The following PDZRN4 variants were observed in gnomAD, a reference collection of about 807,000 sequenced individuals.
PDZRN4 encodes PDZ domain-containing RING finger protein 4.
A neutral mutation model predicts 99.0 loss-of-function variants in PDZRN4; 70 were observed. The ratio of observed to expected loss-of-function variants is 0.71; its 90% confidence interval spans 0.58 to 0.86. The LOEUF (loss-of-function observed/expected upper bound fraction) is 0.86. Among genes scored for constraint, PDZRN4 ranks in the 40% least tolerant of loss-of-function variants. The pLI, the probability that PDZRN4 is intolerant of heterozygous loss-of-function variation, is 0.00. For missense variants in PDZRN4, 1,474 were observed against 1,331.2 expected (o/e 1.11, Z -1.67); for synonymous variants, 551 against 501.6 (o/e 1.10, Z -1.32).
chr12:41,557,414 A>G (rs1418115922), intron 7 of PDZRN4, among the ~76,000 whole-genome samples: 1 of 152,044 alleles, frequency 6.6e-6, no homozygotes, highest in Non-Finnish European at 1.5e-5. Flanking sequence ...TGGATTCCAC[A>G]CTTTTGGAAT....
intron 3 of PDZRN4, chr12:41,437,970 A>G: frequency 6.2e-7 from 1 of 1,614,114 alleles, no homozygotes; most frequent in Non-Finnish European, 8.5e-7. Flanking sequence ...TGCACTTTTC[A>G]GAAAAGAGAG....
At chr12:41,394,710 C>A (rs1420104691) in intron 3 of PDZRN4, among the ~76,000 whole-genome samples, 1 of 151,908 alleles carries the variant, frequency 6.6e-6, no homozygotes, top group Non-Finnish European at 1.5e-5. Flanking sequence ...AGTTCCTTGC[C>A]ATGCATGCAC....
intron 3 of PDZRN4, among the ~76,000 whole-genome samples, chr12:41,310,702 G>A (rs1046648257): frequency 7.9e-5 from 12 of 152,056 alleles, no homozygotes; most frequent in African/African-American, 2.4e-4. Context: ...AAAAGCAAAG[G>A]CTACTTTTTT....
At chr12:41,506,007 T>C (rs1044528290) in intron 3 of PDZRN4, among the ~76,000 whole-genome samples, 5 of 152,110 alleles carry the variant, frequency 3.3e-5, no homozygotes, top group South Asian at 2.1e-4. Context: ...TAAAACATTA[T>C]GAATATGGAG....
intron 5 of PDZRN4, among the ~76,000 whole-genome samples, chr12:41,541,647 G>T (rs2120769304): frequency 1.3e-5 from 2 of 151,716 alleles, no homozygotes; most frequent in South Asian, 2.1e-4. Flanking sequence ...TAGAGACGGG[G>T]TTTCACCGTG....
chr12:41,394,978 A>G (rs1366100804), intron 3 of PDZRN4, among the ~76,000 whole-genome samples: 3 of 152,138 alleles, frequency 2.0e-5, no homozygotes, highest in Non-Finnish European at 2.9e-5. Context: ...ATTAAGCTCT[A>G]CCTCTTGAAG....
rs986265005 is a variant in PDZRN4 at position 41,499,912 on chromosome 12, T to C, written c.844-6544T>C. Among the ~76,000 whole-genome samples the C allele has an allele frequency of 1.3e-4, 20 of 152,180 alleles. No individual in the cohort carries two copies. The East Asian group carries it at 3.3e-3, about 25-fold the overall frequency. On this transcript the variant is annotated intron_variant, in intron 3 of 9. Transcript: ENST00000402685. ...GGGGTGCTGGGAGTCCTCAATTCAA[T>C]ACTGTTACATACGTAAGCATTTCCA...
At chr12:41,345,794 A>G (rs548186012) in intron 3 of PDZRN4, among the ~76,000 whole-genome samples, 1 of 152,274 alleles carries the variant, frequency 6.6e-6, no homozygotes, top group African/African-American at 2.4e-5. Context: ...TCCAGTACAA[A>G]TATTAAAACT....
chr12:41,541,705 G>A (rs1167537829), intron 5 of PDZRN4, among the ~76,000 whole-genome samples: 3 of 151,680 alleles, frequency 2.0e-5, no homozygotes, highest in South Asian at 2.1e-4. Context: ...CGCCTGCCTC[G>A]GCCTCCCAAA....
At chr12:41,355,388 A>G (rs945260363) in intron 3 of PDZRN4, among the ~76,000 whole-genome samples, 1 of 151,952 alleles carries the variant, frequency 6.6e-6, no homozygotes, top group Non-Finnish European at 1.5e-5. Flanking sequence ...CTTTTAATAT[A>G]ATTAGGCAGA....
chr12:41,226,303 T>G (rs1470526692), intron 3 of PDZRN4, among the ~76,000 whole-genome samples: 1 of 152,056 alleles, frequency 6.6e-6, no homozygotes, highest in African/African-American at 2.4e-5. Context: ...TCCCTATTCT[T>G]TTTTTCTCCA....
chr12:41,293,099 AGGTTATTTTAT>A (rs1195218564), intron 3 of PDZRN4, among the ~76,000 whole-genome samples: 2 of 150,442 alleles, frequency 1.3e-5, no homozygotes, highest in Non-Finnish European at 3.0e-5. Flanking sequence ...CAGGTCACTC[AGGTTATTTTAT>A]GGTTATTTTA....
chr12:41,239,796 A>G (rs1280664712), intron 3 of PDZRN4, among the ~76,000 whole-genome samples: 1 of 152,222 alleles, frequency 6.6e-6, no homozygotes, highest in Non-Finnish European at 1.5e-5. Flanking sequence ...ACAGGAGTAA[A>G]CAGAGTTGTG....
At chr12:41,208,640 A>C (rs1950866369) in intron 3 of PDZRN4, among the ~76,000 whole-genome samples, 1 of 151,944 alleles carries the variant, frequency 6.6e-6, no homozygotes, top group Non-Finnish European at 1.5e-5. Flanking sequence ...TCAAAATCAA[A>C]GAAGAATATA....
intron 8 of PDZRN4, among the ~76,000 whole-genome samples, chr12:41,564,957 C>T (rs902407669): frequency 2.0e-5 from 3 of 152,140 alleles, no homozygotes; most frequent in Non-Finnish European, 4.4e-5. Flanking sequence ...GGTTTCCCTG[C>T]CCTTTCCATG....
At chr12:41,359,278 G>C (rs1201780794) in intron 3 of PDZRN4, among the ~76,000 whole-genome samples, 2 of 151,918 alleles carry the variant, frequency 1.3e-5, no homozygotes, top group Non-Finnish European at 2.9e-5. Context: ...CTCTTCAATA[G>C]CTAATTTGGG....
rs752003607 is a variant in PDZRN4 at position 41,571,335 on chromosome 12, GTCTCTCTCTC to G, written c.1585-996_1585-987del. Among the ~76,000 whole-genome samples, 15 of 101,276 alleles carry G rather than the reference GTCTCTCTCTC, an allele frequency of 1.5e-4. 1 individual carries two copies. In the East Asian group the frequency reaches 2.1e-3, roughly 15 times the overall value. The allele number at this position is 101,276 out of a possible 152,430, so 66.4% of individuals were successfully genotyped here. On this transcript the variant is annotated intron_variant, in intron 9 of 9. Transcript: ENST00000402685. ...TACATGAAAGCCAAAAATTACCAGAGTCTCTCTCTCTCTCTCTCTCTCTCTCTCTCTCTCT... is the reference window on the plus strand; with the variant it reads ...TACATGAAAGCCAAAAATTACCAGAGTCTCTCTCTCTCTCTCTCTCTCTCT...
chr12:41,342,598 A>G lies in PDZRN4; in HGVS notation c.843+148410A>G, dbSNP rs577681508. ...ACAAATGACCAACTGACCAACAGGT[A>G]TATGAAGAAAATGTTCAACATAACT... On this transcript the variant is annotated intron_variant, in intron 3 of 9. Transcript: ENST00000402685. Among the ~76,000 whole-genome samples the G allele has an allele frequency of 5.3e-5, 8 of 152,030 alleles. No individual in the cohort carries two copies. The East Asian group carries it at 1.5e-3, about 29-fold the overall frequency.
chr12:41,328,668 G>A (rs1951724661), intron 3 of PDZRN4, among the ~76,000 whole-genome samples: 1 of 152,106 alleles, frequency 6.6e-6, no homozygotes, highest in South Asian at 2.1e-4. Context: ...CTTTCTAAGA[G>A]CCCATCAGCA....
Sources: gnomAD v4.1 joint callset for allele counts (sites outside exome capture counted in the v4.1 genomes callset) on GRCh38, gnomAD v4.1.1 for gene constraint, MANE v1.5 for transcripts, NCBI Gene and HGNC (gene_info 2026-07-23, HGNC 2026-07-21) for gene names.